The following PUM1 variants were observed in gnomAD, a reference collection of about 807,000 sequenced individuals.
PUM1 encodes the protein pumilio homolog 1.
In PUM1, 13 loss-of-function variants were observed where a neutral mutation model predicts 131.8. The observed-to-expected ratio is 0.10, with a 90% confidence interval of 0.06 to 0.16. The LOEUF is 0.16. PUM1 is among the 10% of genes least tolerant of loss of function. The probability of loss-of-function intolerance (pLI) is 1.00; values close to 1 mark genes in which losing one functional copy is unlikely to be tolerated. For synonymous variants in PUM1, 509 were observed against 556.5 expected (o/e 0.91, Z 1.20); for missense variants, 961 against 1,512.4 (o/e 0.64, Z 6.05).
intron 14 of PUM1, among the ~76,000 whole-genome samples, chr1:30,957,087 T>TACACACACACACACACACACACACAC (rs58044891): frequency 1.4e-5 from 2 of 139,904 alleles, no homozygotes; most frequent in African/African-American, 2.7e-5. Flanking sequence ...AGGACATTCA[T>TACACACACACACACACACACACACAC]ACACACACAC....
chr1:30,941,321 T>C (rs1254735182), intron 19 of PUM1, 49 bp from the exon 20 acceptor site: 3 of 1,573,656 alleles, frequency 1.9e-6, no homozygotes, highest in Non-Finnish European at 2.6e-6. Context: ...AAGCCAGTTC[T>C]GCAGGTTACT....
intron 7 of PUM1, 38 bp from the exon 8 acceptor site, chr1:30,981,443 C>A (rs1641353446): frequency 7.4e-7 from 1 of 1,350,354 alleles, no homozygotes; most frequent in Non-Finnish European, 1.0e-6. Flanking sequence ...GTTAGGGAAA[C>A]TGTCTTACAA....
chr1:31,059,244 T>A lies in PUM1; in HGVS notation c.323A>T (p.His108Leu). 1 of 1,610,098 alleles carries A rather than the reference T, an allele frequency of 6.2e-7. No individual in the cohort carries two copies. Among genetic ancestry groups the A allele is most frequent in the Non-Finnish European group, 8.5e-7 (1 of 1,178,274 alleles). ...SGGGGYNNSK[H>L]RWPTGDNIHA... Reference sequence around the variant, plus strand: ...AATGTTATCCCCAGTAGGCCATCGATGTTTGCTATTATTATAGCCGCCTCC... The same window carrying A: ...AATGTTATCCCCAGTAGGCCATCGAAGTTTGCTATTATTATAGCCGCCTCC... The change falls in exon 2 of 22, where the codon CAT (histidine) becomes CTT (leucine). Residue 108 changes from histidine to leucine, a missense_variant. Transcript: ENST00000426105.
intron 5 of PUM1, among the ~76,000 whole-genome samples, chr1:31,001,086 T>C (rs1049361306): frequency 2.0e-5 from 3 of 152,030 alleles, no homozygotes; most frequent in African/African-American, 4.8e-5. Flanking sequence ...ACTCTGCAGG[T>C]TGAGGCAGAA....
rs769056716 is a variant in PUM1 at position 30,953,904 on chromosome 1, C to A, written c.2401G>T (p.Ala801Ser). Residue 801 changes from alanine to serine, a missense_variant, in exon 15 of 22, where the codon GCC (alanine) becomes TCC (serine). By Grantham distance (99) the Ala-to-Ser change is moderately conservative (BLOSUM62 1). Transcript: ENST00000426105. The part of the protein sequence containing the change: ...AEAKYRSASS[A>S]SSLFSPSSTL... ...CTGCTCGGGCTGAAGAGGCTGGAGG[C>A]GCTGCTTGCACTGCGGTACTTGGCT... 1.9e-6 allele frequency: 3 copies of A among 1,614,166 alleles called. No individual in the cohort carries two copies. The highest frequency in any genetic ancestry group is 1.7e-6 in the Non-Finnish European group (2 of 1,180,036).
intron 8 of PUM1, 38 bp from the exon 9 acceptor site, chr1:30,980,201 C>G: frequency 1.3e-6 from 2 of 1,511,870 alleles, no homozygotes; most frequent in Non-Finnish European, 1.8e-6. Flanking sequence ...ACAAACTTGA[C>G]TAAAACTGCA....
At chr1:31,024,462 TC>T (rs1643151430) in intron 3 of PUM1, among the ~76,000 whole-genome samples, 1 of 152,230 alleles carries the variant, frequency 6.6e-6, no homozygotes, top group Admixed American at 6.5e-5. Context: ...AGGAGCACTT[TC>T]TAGATTTCCT....
chr1:30,974,626 A>C, intron 10 of PUM1, 25 bp downstream of exon 10: 1 of 1,578,398 alleles, frequency 6.3e-7, no homozygotes, highest in Non-Finnish European at 8.6e-7. Context: ...CCCACTTAGA[A>C]GAGGTAAATT....
intron 2 of PUM1, among the ~76,000 whole-genome samples, chr1:31,052,844 C>T (rs1644144834): frequency 6.6e-6 from 1 of 151,464 alleles, no homozygotes; most frequent in Admixed American, 6.6e-5. Flanking sequence ...GCTGGAATTA[C>T]AGTAACGCGC....
chr1:31,053,126 T>C (rs1403355395), intron 2 of PUM1, among the ~76,000 whole-genome samples: 2 of 150,354 alleles, frequency 1.3e-5, no homozygotes, highest in African/African-American at 4.9e-5. Flanking sequence ...TTTTCCTGCC[T>C]CTCCTGAGTA....
chr1:30,968,568 C>A, intron 10 of PUM1, 76 bp from the exon 11 acceptor site: 1 of 1,477,224 alleles, frequency 6.8e-7, no homozygotes, highest in South Asian at 1.3e-5. Flanking sequence ...CAGGTTGGGT[C>A]AACTTTTAAA....
intron 2 of PUM1, among the ~76,000 whole-genome samples, chr1:31,057,128 A>T (rs1644258704): frequency 6.6e-6 from 1 of 152,146 alleles, no homozygotes; most frequent in African/African-American, 2.4e-5. Context: ...AACTGGTCAG[A>T]TGCAGTAGCT....
At chr1:31,001,787 T>C (rs189101007) in intron 5 of PUM1, among the ~76,000 whole-genome samples, 1 of 152,352 alleles carries the variant, frequency 6.6e-6, no homozygotes, top group East Asian at 1.9e-4. Flanking sequence ...AGACATACTA[T>C]GTTTTTTCCC....
chr1:30,957,195 T>G (rs867117028), intron 14 of PUM1, among the ~76,000 whole-genome samples: 3 of 151,862 alleles, frequency 2.0e-5, no homozygotes, highest in African/African-American at 7.3e-5. Flanking sequence ...TAAATGGCAA[T>G]GGCAAACTGA....
chr1:31,028,115 T>C, intron 3 of PUM1, among the ~76,000 whole-genome samples: 1 of 152,218 alleles, frequency 6.6e-6, no homozygotes, highest in Non-Finnish European at 1.5e-5. Flanking sequence ...ACATGTTAGA[T>C]ATCTATACTC....
Position 31,059,200 on chromosome 1 carries a change from T to C in PUM1, c.363+4A>G. ...CAAAGCTAAAATAGTGAACTTTTTT[T>C]TACCTGATGTTCTGCATGAATGTTA... On this transcript the variant is annotated splice_donor_region_variant and intron_variant, in intron 2 of 21. Transcript: ENST00000426105. 6.5e-7 allele frequency: 1 copy of C among 1,549,852 alleles called. No homozygotes were observed. Among genetic ancestry groups the C allele is most frequent in the Non-Finnish European group, 8.7e-7 (1 of 1,147,708 alleles).
At chr1:31,012,597 C>A (rs1239147276) in intron 3 of PUM1, among the ~76,000 whole-genome samples, 3 of 147,422 alleles carry the variant, frequency 2.0e-5, no homozygotes, top group African/African-American at 5.0e-5. Context: ...ATCTATGAGG[C>A]TTCTGGAAAA....
chr1:30,967,239 T>G lies in PUM1; in HGVS notation c.1717A>C (p.Asn573His). 6.2e-7 allele frequency: 1 copy of G among 1,614,128 alleles called. No homozygotes were observed. The highest frequency in any genetic ancestry group is 8.5e-7 in the Non-Finnish European group (1 of 1,180,014). The change falls in exon 12 of 22, where the codon AAT becomes CAT. Residue 573 changes from asparagine (N) to histidine (H), a missense_variant. Asn to His is a moderately conservative substitution (Grantham distance 68). This residue lies in a region of PUM1 where 654 missense variants were observed against 923.9 expected (regional missense o/e 0.71). Transcript: ENST00000426105. The stretch of plus-strand genomic sequence containing the variant: ...AGTCGAACAGGAGCTCCAAGACCAT[T>G]TCTCGCGCCTGCATTCACTACAAGG... ...GALVVNAGAR[N>H]GLGAPVRLVA...
At chr1:30,983,200 G>A (rs1641420452) in intron 7 of PUM1, among the ~76,000 whole-genome samples, 2 of 152,244 alleles carry the variant, frequency 1.3e-5, no homozygotes, top group Middle Eastern at 3.2e-3. Flanking sequence ...ACAGGAGGCA[G>A]TCCACCCAAG....
Sources: allele counts gnomAD v4.1 joint callset (sites outside exome capture counted in the v4.1 genomes callset), GRCh38; gene constraint gnomAD v4.1.1; regional missense constraint gnomAD v4.1.1; transcripts MANE v1.5; gene names NCBI Gene and HGNC (gene_info 2026-07-23, HGNC 2026-07-21).